Variants in MAML3 observed in about 807,000 individuals in gnomAD.
MAML3 encodes mastermind-like protein 3.
Under a neutral mutation model 101.9 loss-of-function variants are expected in MAML3, and 27 were observed. That is an observed-to-expected ratio of 0.27 (90% CI 0.20 to 0.37). The LOEUF (loss-of-function observed/expected upper bound fraction) is 0.37, where lower values mean the gene tolerates loss of function less well. Among genes scored for constraint, MAML3 ranks in the 10% least tolerant of loss-of-function variants. The pLI is 1.00. For synonymous variants in MAML3, 501 were observed against 555.9 expected (o/e 0.90, Z 1.39); for missense variants, 1,316 against 1,444.9 (o/e 0.91, Z 1.45).
At chr4:140,060,027 G>A (rs1727417711) in intron 1 of MAML3, among the ~76,000 whole-genome samples, 1 of 151,936 alleles carries the variant, frequency 6.6e-6, no homozygotes. Flanking sequence ...GTTTAGCTGG[G>A]GTTTGCAAGG....
Position 140,129,376 on chromosome 4 carries a change from T to G in MAML3, c.468+23484A>C, listed in dbSNP as rs1662789086. ...CAAAATTCTACAAAGAAGGTGACTC[T>G]AAATCCCCCCTACCCCCAATTCTTA... On this transcript the variant is annotated intron_variant, in intron 1 of 4. Transcript: ENST00000509479. Among the ~76,000 whole-genome samples the G allele has an allele frequency of 2.0e-5, 3 of 152,194 alleles. No individual in the cohort carries two copies. The South Asian group carries it at 6.2e-4, about 31-fold the overall frequency.
At chr4:140,123,416 T>G (rs963933464) in intron 1 of MAML3, among the ~76,000 whole-genome samples, 2 of 151,476 alleles carry the variant, frequency 1.3e-5, no homozygotes, top group Non-Finnish European at 2.9e-5. Context: ...TTGTGAGTAC[T>G]TTTTTTTTAA....
intron 1 of MAML3, among the ~76,000 whole-genome samples, chr4:139,956,396 G>A (rs1733917404): frequency 6.6e-6 from 1 of 152,202 alleles, no homozygotes; most frequent in Admixed American, 6.5e-5. Context: ...ACATTTCAGT[G>A]ATAGATAAGG....
intron 2 of MAML3, among the ~76,000 whole-genome samples, chr4:139,855,674 A>G (rs1345788422): frequency 2.0e-5 from 3 of 152,210 alleles, no homozygotes; most frequent in Non-Finnish European, 4.4e-5. Context: ...AAGTGCTTTT[A>G]TATACATTAT....
intron 2 of MAML3, among the ~76,000 whole-genome samples, chr4:139,817,730 T>C (rs930804392): frequency 6.6e-5 from 10 of 152,292 alleles, no homozygotes; most frequent in African/African-American, 2.4e-4. Context: ...TCAGTGACTT[T>C]CCACAGCTCT....
intron 1 of MAML3, among the ~76,000 whole-genome samples, chr4:140,068,398 G>A (rs1727575129): frequency 6.6e-6 from 1 of 152,114 alleles, no homozygotes; most frequent in Admixed American, 6.6e-5. Flanking sequence ...TAACTTGAAG[G>A]CACTCACAAA....
At chr4:139,832,281 T>A (rs1462029266) in intron 2 of MAML3, among the ~76,000 whole-genome samples, 3 of 143,656 alleles carry the variant, frequency 2.1e-5, no homozygotes, top group East Asian at 3.9e-4. Flanking sequence ...TTTTTTTTTT[T>A]ATTTTTATTT....
chr4:139,930,822 T>G (rs1733376331), intron 1 of MAML3, among the ~76,000 whole-genome samples: 1 of 152,200 alleles, frequency 6.6e-6, no homozygotes, highest in African/African-American at 2.4e-5. Flanking sequence ...TTACTTCAGT[T>G]CTTATGTTAC....
At chr4:139,943,725 A>G (rs1472607328) in intron 1 of MAML3, among the ~76,000 whole-genome samples, 2 of 152,174 alleles carry the variant, frequency 1.3e-5, no homozygotes, top group African/African-American at 2.4e-5. Flanking sequence ...TGGAATATGT[A>G]CAATGGAGAT....
At chr4:139,764,431 C>T (rs533252031) in intron 2 of MAML3, among the ~76,000 whole-genome samples, 1 of 152,188 alleles carries the variant, frequency 6.6e-6, no homozygotes, top group African/African-American at 2.4e-5. Context: ...GAGGAGGCTA[C>T]GACCTTTTCC....
rs752176794 is a variant in MAML3 at position 139,801,633 on chromosome 4, GGTGTGTGT to G, written c.2080-70974_2080-70967del. ...CCTAATTTGAAAAGAGCAGGAACAG[GGTGTGTGT>G]GGGTGTGTGTGTGTGTGTGTGTGTG... On this transcript the variant is annotated intron_variant, in intron 2 of 4. Coordinates refer to ENST00000509479, the MANE Select transcript of MAML3 (RefSeq NM_018717.5). 2.4e-3 allele frequency among the ~76,000 whole-genome samples: 354 copies of G among 146,518 alleles called. 1 individual carries two copies. The highest frequency in any genetic ancestry group is 8.9e-3 in the African/African-American group (346 of 39,068).
intron 2 of MAML3, among the ~76,000 whole-genome samples, chr4:139,748,814 C>T (rs1729405053): frequency 6.6e-6 from 1 of 152,224 alleles, no homozygotes; most frequent in Non-Finnish European, 1.5e-5. Flanking sequence ...AAGAAGGTCT[C>T]AGCCTGACCA....
chr4:140,072,465 G>T (rs889731396), intron 1 of MAML3, among the ~76,000 whole-genome samples: 1 of 152,258 alleles, frequency 6.6e-6, no homozygotes, highest in South Asian at 2.1e-4. Flanking sequence ...GAGGTCAGGA[G>T]TTCAAGACCA....
chr4:139,768,632 A>T (rs1729912635), intron 2 of MAML3, among the ~76,000 whole-genome samples: 1 of 152,362 alleles, frequency 6.6e-6, no homozygotes, highest in Middle Eastern at 3.4e-3. Context: ...CAGGAAATAA[A>T]GCAAAACCAA....
intron 4 of MAML3, among the ~76,000 whole-genome samples, chr4:139,723,118 C>T (rs905533260): frequency 2.6e-5 from 4 of 152,138 alleles, no homozygotes; most frequent in Middle Eastern, 3.2e-3. Flanking sequence ...TATATGAGTG[C>T]GAAATAATTT....
chr4:140,036,563 CAG>C (rs1241254515), intron 1 of MAML3, among the ~76,000 whole-genome samples: 2 of 152,120 alleles, frequency 1.3e-5, no homozygotes, highest in African/African-American at 4.8e-5. Context: ...TACGGTGTGC[CAG>C]AGAGTCCAAG....
rs762492535 is a variant in MAML3 at position 139,719,526 on chromosome 4, T to G, written c.3214A>C (p.Ser1072Arg). The G allele has an allele frequency of 1.2e-5, 20 of 1,613,950 alleles. No individual in the cohort carries two copies. The South Asian group carries it at 2.2e-4, about 18-fold the overall frequency. ...TGGCTGCTTGGAGCAAAGCTGCCAC[T>G]GGGTATCTGCTGCTGTGCTGGGGGC... ...SQPPAQQQIP[S>R]GSFAPSSQSQ... Residue 1072 changes from serine to arginine, a missense_variant, in exon 5 of 5, where the codon AGT becomes CGT. Transcript: ENST00000509479.
chr4:140,078,305 C>G (rs950536344), intron 1 of MAML3, among the ~76,000 whole-genome samples: 3 of 152,212 alleles, frequency 2.0e-5, no homozygotes, highest in African/African-American at 7.2e-5. Flanking sequence ...TATCAAGCTA[C>G]TAAACAGGAG....
intron 1 of MAML3, among the ~76,000 whole-genome samples, chr4:140,054,338 C>T (rs1376261345): frequency 1.4e-5 from 2 of 141,836 alleles, no homozygotes; most frequent in Non-Finnish European, 3.0e-5. Context: ...CACTGCACTG[C>T]GACCTGGGCA....
Sources: gnomAD v4.1 joint callset for allele counts (sites outside exome capture counted in the v4.1 genomes callset) on GRCh38, gnomAD v4.1.1 for gene constraint, MANE v1.5 for transcripts, NCBI Gene and HGNC (gene_info 2026-07-23, HGNC 2026-07-21) for gene names.